NCALD: variants seen among roughly 807,000 people sequenced by gnomAD.
The protein encoded by NCALD is neurocalcin-delta.
A neutral mutation model predicts 18.6 loss-of-function variants in NCALD; 10 were observed. The ratio of observed to expected loss-of-function variants is 0.54; its 90% CI spans 0.33 to 0.91. The LOEUF (loss-of-function observed/expected upper bound fraction) is 0.91. Ranked by LOEUF, NCALD falls within the 40% of genes least tolerant of loss-of-function variation. NCALD has a pLI of 0.03. For missense variants in NCALD, 184 were observed against 247.6 expected (o/e 0.74, Z 1.72); for synonymous variants, 88 against 87.4 (o/e 1.01, Z -0.04).
chr8:102,062,339 G>A (rs553644988), intron 1 of NCALD, among the ~76,000 whole-genome samples: 20 of 152,258 alleles, frequency 1.3e-4, no homozygotes, highest in Admixed American at 5.2e-4. Flanking sequence ...GAGGTAGTCC[G>A]CCTTTTTGAA....
chr8:101,960,415 TATCAAAAACTTCAA>T (rs1316905009), intron 2 of NCALD, among the ~76,000 whole-genome samples: 1 of 152,184 alleles, frequency 6.6e-6, no homozygotes, highest in Non-Finnish European at 1.5e-5. Flanking sequence ...AAAATAATTG[TATCAAAAACTTCAA>T]ATCAAAAAAT....
At chr8:102,068,091 C>CA (rs1413304231) in intron 1 of NCALD, among the ~76,000 whole-genome samples, 1 of 152,068 alleles carries the variant, frequency 6.6e-6, no homozygotes, top group African/African-American at 2.4e-5. Context: ...ACCCAAAACC[C>CA]AAAATATTTA....
chr8:101,874,218 G>A (rs1031147167), intron 4 of NCALD, among the ~76,000 whole-genome samples: 1 of 152,192 alleles, frequency 6.6e-6, no homozygotes, highest in Admixed American at 6.5e-5. Flanking sequence ...GGACTTTCAG[G>A]AGGTTCAGCC....
chr8:101,866,631 C>T (rs1815781223), intron 4 of NCALD, among the ~76,000 whole-genome samples: 1 of 152,166 alleles, frequency 6.6e-6, no homozygotes, highest in Non-Finnish European at 1.5e-5. Context: ...AACCATGGTG[C>T]TATTCATGAC....
intron 1 of NCALD, among the ~76,000 whole-genome samples, chr8:102,106,969 G>C (rs1216030292): frequency 2.6e-5 from 4 of 151,632 alleles, no homozygotes; most frequent in African/African-American, 9.7e-5. Context: ...GAGGCTGGAG[G>C]GTTTTGATTC....
intron 2 of NCALD, among the ~76,000 whole-genome samples, chr8:101,950,936 A>G (rs1819391155): frequency 6.6e-6 from 1 of 152,220 alleles, no homozygotes; most frequent in African/African-American, 2.4e-5. Flanking sequence ...GGTACCTACA[A>G]GTACTAAACA....
At chr8:101,887,530 C>G (rs1816718827) in intron 3 of NCALD, among the ~76,000 whole-genome samples, 1 of 152,096 alleles carries the variant, frequency 6.6e-6, no homozygotes, top group African/African-American at 2.4e-5. Context: ...CAGGGAGAAA[C>G]AGGCATGCTG....
At chr8:101,720,339 A>G (rs1013330610) in intron 1 of NCALD, among the ~76,000 whole-genome samples, 1 of 152,196 alleles carries the variant, frequency 6.6e-6, no homozygotes, top group Admixed American at 6.5e-5. Flanking sequence ...AATAGGTCAA[A>G]TGTTTCTCTT....
At chr8:102,098,133 AGAACT>A (rs934767549) in intron 1 of NCALD, among the ~76,000 whole-genome samples, 1 of 152,214 alleles carries the variant, frequency 6.6e-6, no homozygotes. Flanking sequence ...AAGTCAAAAG[AGAACT>A]GAGAGTGAGA....
chr8:101,939,942 T>C (rs1004525602), intron 2 of NCALD, among the ~76,000 whole-genome samples: 7 of 152,234 alleles, frequency 4.6e-5, no homozygotes, highest in South Asian at 2.1e-4. Context: ...TTAAAGCCCA[T>C]GGGTGCTTTT....
chr8:101,892,008 A>G (rs1816917312), intron 3 of NCALD, among the ~76,000 whole-genome samples: 1 of 152,158 alleles, frequency 6.6e-6, no homozygotes. Context: ...GGTGGGGCCC[A>G]CCACAGCTCA....
intron 2 of NCALD, among the ~76,000 whole-genome samples, chr8:101,988,452 A>G (rs553114790): frequency 8.4e-4 from 128 of 152,330 alleles, no homozygotes; most frequent in African/African-American, 3.0e-3. Context: ...TATGACATCG[A>G]GAAACTTACT....
intron 4 of NCALD, among the ~76,000 whole-genome samples, chr8:101,842,024 T>G (rs1404235324): frequency 6.6e-6 from 1 of 152,212 alleles, no homozygotes; most frequent in Admixed American, 6.5e-5. Flanking sequence ...TTCTCACAGT[T>G]ATGGAGGCTA....
chr8:102,117,893 CAG>C (rs1465839126), intron 1 of NCALD, among the ~76,000 whole-genome samples: 3 of 152,170 alleles, frequency 2.0e-5, no homozygotes, highest in Non-Finnish European at 2.9e-5. Flanking sequence ...CTTCCAGATC[CAG>C]CTGCATATAC....
chr8:101,950,931 C>G (rs1219246509), intron 2 of NCALD, among the ~76,000 whole-genome samples: 1 of 152,166 alleles, frequency 6.6e-6, no homozygotes, highest in Non-Finnish European at 1.5e-5. Flanking sequence ...CAATAGGTAC[C>G]TACAAGTACT....
At chr8:102,093,702 C>T (rs137962476) in intron 1 of NCALD, among the ~76,000 whole-genome samples, 18 of 152,266 alleles carry the variant, frequency 1.2e-4, no homozygotes, top group African/African-American at 4.3e-4. Flanking sequence ...CAGAAAACCA[C>T]AAGTTTCCTG....
intron 2 of NCALD, among the ~76,000 whole-genome samples, chr8:101,934,860 T>C (rs1377321910): frequency 6.6e-6 from 1 of 152,046 alleles, no homozygotes; most frequent in African/African-American, 2.4e-5. Context: ...AGATAAGATT[T>C]AAATACACAA....
chr8:101,771,190 C>T (rs1811572295), intron 1 of NCALD, among the ~76,000 whole-genome samples: 1 of 152,224 alleles, frequency 6.6e-6, no homozygotes, highest in African/African-American at 2.4e-5. Context: ...CCACACAAGG[C>T]AGAGCCTTGG....
chr8:101,688,576 C>A lies in NCALD; in HGVS notation c.*733G>T, dbSNP rs529975888. ...GCATTACCCAATATGTTATATACAGCCGTCTTTTTATTTTATCACAATAGG... is the reference window on the plus strand; with the variant it reads ...GCATTACCCAATATGTTATATACAGACGTCTTTTTATTTTATCACAATAGG... On this transcript the variant is annotated 3_prime_UTR_variant, in exon 4 of 4. Coordinates refer to ENST00000220931, the MANE Select transcript of NCALD (RefSeq NM_032041.3). 1.8e-5 allele frequency: 8 copies of A among 445,050 alleles called. No individual in the cohort carries two copies. The highest frequency in any genetic ancestry group is 1.7e-4 in the Admixed American group (7 of 40,276). 27.6% of individuals were successfully genotyped at this position (445,050 alleles called of 1,614,324 possible). A position where few individuals can be genotyped will look rare whatever the true frequency, so the allele number is the denominator to read the frequency against.
Sources: gnomAD v4.1 joint callset for allele counts (sites outside exome capture counted in the v4.1 genomes callset) on GRCh38, gnomAD v4.1.1 for gene constraint, MANE v1.5 for transcripts, NCBI Gene and HGNC (gene_info 2026-07-23, HGNC 2026-07-21) for gene names.